RAD51B: variants seen among roughly 807,000 people sequenced by gnomAD.
RAD51B encodes the protein RAD51 paralog B.
In RAD51B, 38 loss-of-function variants were observed where a neutral mutation model predicts 42.2. The observed-to-expected ratio is 0.90, with a 90% confidence interval of 0.70 to 1.18. The LOEUF is 1.18. Ranked by LOEUF, RAD51B falls within the 50% of genes most tolerant of loss-of-function variation. The pLI is 0.00. For synonymous variants in RAD51B, 154 were observed against 145.2 expected, an observed-to-expected ratio of 1.06 and a Z score of -0.43; for missense variants, 373 against 400.7, an observed-to-expected ratio of 0.93 and a Z score of 0.59.
rs140464747 is a variant in RAD51B, at chr14:67,914,139, C to T, written c.756+26935C>T. On this transcript the variant is annotated intron_variant, in intron 7 of 10. Coordinates refer to ENST00000471583, the MANE Select transcript of RAD51B (RefSeq NM_133510.4). ...CTGGGATATTAGGTGCATACCACCA[C>T]GCTTGGCTAATTTTTGTATTTTTAG... Among the ~76,000 whole-genome samples, 594 of 152,212 alleles carry T rather than the reference C, an allele frequency of 3.9e-3. 1 individual carries two copies. Among genetic ancestry groups the T allele is most frequent in the Non-Finnish European group, 6.0e-3 (407 of 68,000 alleles).
At chr14:68,579,868 G>A (rs1036994638) in intron 10 of RAD51B, among the ~76,000 whole-genome samples, 6 of 152,216 alleles carry the variant, frequency 3.9e-5, no homozygotes, top group African/African-American at 4.8e-5. Context: ...CCCCACCGTC[G>A]GCTGCAGCAG....
intron 7 of RAD51B, among the ~76,000 whole-genome samples, chr14:68,178,189 A>T (rs1335025861): frequency 6.6e-6 from 1 of 151,776 alleles, no homozygotes; most frequent in Non-Finnish European, 1.5e-5. Context: ...AAGTAACTTT[A>T]AAAAAAAATT....
rs562468023 is a variant in RAD51B, at chr14:68,210,535, A to G, written c.757-81349A>G. ...CCTTAGGTTACTTAAGGGTGATGGA[A>G]TGACCATTGTGTGTGTCTTGTGTCT... is the stretch of plus-strand genomic sequence containing the variant. On this transcript the variant is annotated intron_variant, in intron 7 of 10. Transcript: ENST00000471583. Among the ~76,000 whole-genome samples the G allele has an allele frequency of 3.9e-5, 6 of 152,238 alleles. No homozygotes were observed. In the East Asian group the frequency reaches 1.2e-3, roughly 29 times the overall value.
chr14:68,293,741 G>A (rs146420232), intron 8 of RAD51B, among the ~76,000 whole-genome samples: 214 of 152,214 alleles, frequency 1.4e-3, no homozygotes, highest in Non-Finnish European at 2.3e-3. Flanking sequence ...CTCTGTGGCC[G>A]CTCTATCTGC....
intron 7 of RAD51B, among the ~76,000 whole-genome samples, chr14:68,188,780 T>C (rs2079206934): frequency 6.6e-6 from 1 of 152,190 alleles, no homozygotes; most frequent in Non-Finnish European, 1.5e-5. Context: ...AAGAATAGAA[T>C]CCAAATTTAT....
intron 7 of RAD51B, among the ~76,000 whole-genome samples, chr14:68,066,792 AT>A (rs1210781216): frequency 6.6e-6 from 1 of 152,066 alleles, no homozygotes; most frequent in Non-Finnish European, 1.5e-5. Flanking sequence ...AATTTAAAAA[AT>A]TTTTCTGCTT....
intron 7 of RAD51B, among the ~76,000 whole-genome samples, chr14:68,083,407 A>G (rs1008841027): frequency 6.6e-6 from 1 of 152,184 alleles, no homozygotes; most frequent in Non-Finnish European, 1.5e-5. Flanking sequence ...CTAAATCTTG[A>G]TGATATTGCC....
At chr14:68,309,362 G>T (rs2081926805) in intron 8 of RAD51B, among the ~76,000 whole-genome samples, 1 of 152,190 alleles carries the variant, frequency 6.6e-6, no homozygotes, top group Non-Finnish European at 1.5e-5. Flanking sequence ...TACTTGTAGT[G>T]AAATGAGCCA....
At chr14:68,384,058 A>G (rs1424571135) in intron 8 of RAD51B, among the ~76,000 whole-genome samples, 1 of 152,166 alleles carries the variant, frequency 6.6e-6, no homozygotes. Context: ...GTCAAGATAC[A>G]TGTTCTATTT....
chr14:68,522,348 G>A (rs1451726753), intron 10 of RAD51B, among the ~76,000 whole-genome samples: 1 of 152,196 alleles, frequency 6.6e-6, no homozygotes, highest in Non-Finnish European at 1.5e-5. Context: ...ACCGAAAAAT[G>A]CTACCTGAAT....
At position 68,308,987 on chromosome 14, in the gene RAD51B, C is replaced by T. The variant is rs776413016; in HGVS notation, c.853+17007C>T. ...CTTACAAAACAGAGGGAAAAATCCTCGCTGTCATGTCATAACACCAGTTAT... is the reference window on the plus strand; with the variant it reads ...CTTACAAAACAGAGGGAAAAATCCTTGCTGTCATGTCATAACACCAGTTAT... On this transcript the variant is annotated intron_variant, in intron 8 of 10. Transcript: ENST00000471583. 1.1e-4 allele frequency among the ~76,000 whole-genome samples: 16 copies of T among 152,294 alleles called. No homozygotes were observed. In the East Asian group the frequency reaches 3.1e-3, roughly 29 times the overall value.
intron 10 of RAD51B, among the ~76,000 whole-genome samples, chr14:68,640,427 G>T (rs77119238): frequency 0.077 from 11,743 of 152,170 alleles, 572 homozygotes; most frequent in African/African-American, 0.13. Context: ...AATCCACTTC[G>T]TAAGGTGCTT....
intron 7 of RAD51B, among the ~76,000 whole-genome samples, chr14:67,941,776 G>A (rs928641842): frequency 6.6e-6 from 1 of 152,224 alleles, no homozygotes; most frequent in Non-Finnish European, 1.5e-5. Context: ...GGGAAAGGAT[G>A]TACAGAAACT....
At chr14:68,025,467 T>C (rs189175568) in intron 7 of RAD51B, among the ~76,000 whole-genome samples, 11 of 147,724 alleles carry the variant, frequency 7.4e-5, no homozygotes, top group African/African-American at 2.8e-4. Flanking sequence ...TGAATCCATC[T>C]GGTCTAGGCT....
chr14:68,066,117 T>C (rs984497514), intron 7 of RAD51B, among the ~76,000 whole-genome samples: 3 of 152,058 alleles, frequency 2.0e-5, no homozygotes, highest in African/African-American at 7.2e-5. Context: ...TAAATATTAT[T>C]TTATATTTAT....
chr14:68,047,344 G>T (rs896840319), intron 7 of RAD51B, among the ~76,000 whole-genome samples: 1 of 152,036 alleles, frequency 6.6e-6, no homozygotes, highest in Non-Finnish European at 1.5e-5. Context: ...TACTTGCTGG[G>T]GCAATAAAGC....
chr14:67,966,916 G>T (rs1371646697), intron 7 of RAD51B, among the ~76,000 whole-genome samples: 1 of 152,088 alleles, frequency 6.6e-6, no homozygotes, highest in African/African-American at 2.4e-5. Context: ...ATCTGATATG[G>T]ACAATTAGAA....
At chr14:68,412,851 T>C (rs186148294) in intron 9 of RAD51B, among the ~76,000 whole-genome samples, 1 of 152,356 alleles carries the variant, frequency 6.6e-6, no homozygotes, top group Non-Finnish European at 1.5e-5. Context: ...GTTAAATAGC[T>C]GTGTTGCAGC....
intron 7 of RAD51B, among the ~76,000 whole-genome samples, chr14:68,189,168 A>G (rs1020723912): frequency 6.6e-6 from 1 of 152,102 alleles, no homozygotes. Context: ...CATATCGTAA[A>G]GTACACAAAT....
Sources: gnomAD v4.1 joint callset for allele counts (sites outside exome capture counted in the v4.1 genomes callset) on GRCh38, gnomAD v4.1.1 for gene constraint, MANE v1.5 for transcripts, NCBI Gene and HGNC (gene_info 2026-07-23, HGNC 2026-07-21) for gene names.